The following DIPK1A variants were observed in gnomAD, a reference collection of about 807,000 sequenced individuals.
DIPK1A encodes family with sequence similarity 69 member A.
Under a neutral mutation model 40.8 loss-of-function variants are expected in DIPK1A, and 27 were observed. That is an observed-to-expected ratio of 0.66 (90% CI 0.49 to 0.91). The LOEUF is 0.91. Among genes scored for constraint, DIPK1A ranks in the 40% least tolerant of loss-of-function variants. The pLI, the probability that DIPK1A is intolerant of heterozygous loss-of-function variation, is 0.00. For synonymous variants in DIPK1A, 166 were observed against 171.3 expected, an observed-to-expected ratio of 0.97 and a Z score of 0.24; for missense variants, 412 against 505.7, an observed-to-expected ratio of 0.81 and a Z score of 1.78.
Position 92,845,868 on chromosome 1 carries a change from G to A in DIPK1A, c.474+1315C>T, listed in dbSNP as rs528364499. On this transcript the variant is annotated intron_variant, in intron 4 of 4. Transcript: ENST00000370310. ...AAAAATTAGCCAGGTGCGGTGGTGC[G>A]CCTGTGATCCCAGCTACTTGGGGGG... Among the ~76,000 whole-genome samples the A allele has an allele frequency of 9.5e-4, 143 of 151,276 alleles. 1 individual carries two copies. The highest frequency in any genetic ancestry group is 3.2e-3 in the African/African-American group (130 of 41,264).
intron 1 of DIPK1A, among the ~76,000 whole-genome samples, chr1:92,961,027 C>T (rs534693738): frequency 2.0e-5 from 3 of 152,334 alleles, no homozygotes; most frequent in Admixed American, 2.0e-4. Flanking sequence ...CCGTCGAGCT[C>T]CGCCTGGAGC....
chr1:92,925,611 A>C (rs1025711853), intron 1 of DIPK1A, among the ~76,000 whole-genome samples: 8 of 152,092 alleles, frequency 5.3e-5, no homozygotes, highest in Admixed American at 4.6e-4. Flanking sequence ...CTCCTGCCTC[A>C]GCCTCCCGAG....
At chr1:92,903,431 TAC>T (rs1399165453) in intron 1 of DIPK1A, among the ~76,000 whole-genome samples, 1 of 152,212 alleles carries the variant, frequency 6.6e-6, no homozygotes, top group Non-Finnish European at 1.5e-5. Context: ...TATAGGCAAT[TAC>T]AGTTTTAGTT....
At chr1:92,889,630 A>T (rs568524770) in intron 1 of DIPK1A, among the ~76,000 whole-genome samples, 1 of 152,060 alleles carries the variant, frequency 6.6e-6, no homozygotes, top group South Asian at 2.1e-4. Flanking sequence ...ATCCATTAAC[A>T]TGAGATATCT....
At chr1:92,834,103 A>G (rs1161570336) in intron 4 of DIPK1A, among the ~76,000 whole-genome samples, 4 of 152,140 alleles carry the variant, frequency 2.6e-5, no homozygotes, top group African/African-American at 7.2e-5. Context: ...AACCTAGTTT[A>G]TGTGTGTGGG....
intron 1 of DIPK1A, among the ~76,000 whole-genome samples, chr1:92,897,604 T>C (rs890446055): frequency 2.0e-5 from 3 of 152,172 alleles, no homozygotes; most frequent in Non-Finnish European, 4.4e-5. Flanking sequence ...CATGTATACA[T>C]ATGTAACAAA....
intron 1 of DIPK1A, among the ~76,000 whole-genome samples, chr1:92,906,234 A>G (rs1024124723): frequency 1.3e-5 from 2 of 152,082 alleles, no homozygotes; most frequent in African/African-American, 4.8e-5. Flanking sequence ...TCCACCCACT[A>G]TTTCCTAACA....
intron 1 of DIPK1A, among the ~76,000 whole-genome samples, chr1:92,884,845 A>C (rs547514254): frequency 6.6e-6 from 1 of 152,382 alleles, no homozygotes; most frequent in South Asian, 2.1e-4. Flanking sequence ...CTAAGGACTT[A>C]CAAGCTTATT....
intron 1 of DIPK1A, among the ~76,000 whole-genome samples, chr1:92,954,635 A>T (rs1465083245): frequency 1.3e-5 from 2 of 152,030 alleles, no homozygotes; most frequent in African/African-American, 2.4e-5. Flanking sequence ...TCAGCCTCTC[A>T]AAGTGCTGGG....
intron 1 of DIPK1A, among the ~76,000 whole-genome samples, chr1:92,887,416 A>G (rs1454925248): frequency 6.6e-6 from 1 of 152,008 alleles, no homozygotes; most frequent in Non-Finnish European, 1.5e-5. Context: ...ACAGAGGGAG[A>G]CCCTGTCTCA....
chr1:92,839,597 T>C (rs1381822564), downstream of DIPK1A, among the ~76,000 whole-genome samples: 1 of 152,238 alleles, frequency 6.6e-6, no homozygotes, highest in East Asian at 1.9e-4. Context: ...AATTTGCTTG[T>C]TGGCCTGTGT....
intron 2 of DIPK1A, among the ~76,000 whole-genome samples, chr1:92,872,357 C>G (rs1647914925): frequency 6.6e-6 from 1 of 152,096 alleles, no homozygotes; most frequent in Admixed American, 6.6e-5. Context: ...GCTGGGATTA[C>G]AGGTACGAGC....
chr1:92,872,850 C>A (rs1050158480), intron 2 of DIPK1A, among the ~76,000 whole-genome samples: 13 of 152,154 alleles, frequency 8.5e-5, no homozygotes, highest in African/African-American at 2.9e-4. Flanking sequence ...GTGAGACTGC[C>A]AAAGAGTCTG....
Position 92,833,734 on chromosome 1 carries a change from T to C in DIPK1A, c.475-700A>G, listed in dbSNP as rs894793689. ...TGCTTGGGAAGCAAAGCACATGGTGTGTGTGTTAGAAGGGCTGTCTAGCAC... is the reference window on the plus strand; with the variant it reads ...TGCTTGGGAAGCAAAGCACATGGTGCGTGTGTTAGAAGGGCTGTCTAGCAC... On this transcript the variant is annotated intron_variant, in intron 4 of 4. Coordinates refer to the DIPK1A transcript ENST00000615519. 2.4e-6 allele frequency: 3 copies of C among 1,234,858 alleles called. No individual in the cohort carries two copies. The African/African-American group carries it at 4.5e-5, about 18-fold the overall frequency. The allele number at this position is 1,234,858 out of a possible 1,614,324, so 76.5% of individuals were successfully genotyped here.
intron 1 of DIPK1A, among the ~76,000 whole-genome samples, chr1:92,885,067 G>A (rs1648534683): frequency 1.3e-5 from 2 of 151,974 alleles, no homozygotes; most frequent in Non-Finnish European, 1.5e-5. Context: ...ATTAAATATT[G>A]AAACATAATC....
intron 2 of DIPK1A, among the ~76,000 whole-genome samples, chr1:92,869,549 T>C (rs1222369158): frequency 6.6e-6 from 1 of 152,150 alleles, no homozygotes; most frequent in African/African-American, 2.4e-5. Context: ...CTTTAAAACT[T>C]AAAACTTTAG....
At chr1:92,951,505 C>G (rs569561798) in intron 1 of DIPK1A, among the ~76,000 whole-genome samples, 134 of 152,180 alleles carry the variant, frequency 8.8e-4, no homozygotes, top group Non-Finnish European at 1.7e-3. Flanking sequence ...AGCAGAGAAA[C>G]AGCTGAGTCA....
chr1:92,859,066 G>A (rs1688081468), intron 2 of DIPK1A, among the ~76,000 whole-genome samples: 1 of 152,076 alleles, frequency 6.6e-6, no homozygotes, highest in Non-Finnish European at 1.5e-5. Context: ...CTTATTTGAC[G>A]AAACCCACCC....
chr1:92,922,102 G>A (rs1650292566), intron 1 of DIPK1A, among the ~76,000 whole-genome samples: 1 of 151,928 alleles, frequency 6.6e-6, no homozygotes, highest in Non-Finnish European at 1.5e-5. Flanking sequence ...ATGTTCTCTA[G>A]TTTAACTGTT....
Sources: gnomAD v4.1 joint callset for allele counts (sites outside exome capture counted in the v4.1 genomes callset) on GRCh38, gnomAD v4.1.1 for gene constraint, MANE v1.5 for transcripts, NCBI Gene and HGNC (gene_info 2026-07-23, HGNC 2026-07-21) for gene names.